The following TGM5 variants were observed in gnomAD, a reference collection of about 807,000 sequenced individuals.
TGM5 encodes protein-glutamine gamma-glutamyltransferase 5.
A neutral mutation model predicts 77.2 loss-of-function variants in TGM5; 69 were observed. The ratio of observed to expected loss-of-function variants is 0.89; its 90% CI spans 0.74 to 1.09. The LOEUF (loss-of-function observed/expected upper bound fraction) is 1.09, where lower values mean the gene tolerates loss of function less well. Among genes scored for constraint, TGM5 ranks in the 50% least tolerant of loss-of-function variants. The pLI, the probability that TGM5 is intolerant of heterozygous loss-of-function variation, is 0.00. For synonymous variants in TGM5, 346 were observed against 351.8 expected (o/e 0.98, Z 0.18); for missense variants, 842 against 896.5 (o/e 0.94, Z 0.78).
intron 1 of TGM5, among the ~76,000 whole-genome samples, chr15:43,265,094 G>A (rs935617690): frequency 3.3e-5 from 5 of 152,182 alleles, no homozygotes; most frequent in Admixed American, 6.5e-5. Context: ...TGCCAGGTAC[G>A]CTAGGACAGT....
intron 3 of TGM5, among the ~76,000 whole-genome samples, chr15:43,257,595 T>C (rs1229339733): frequency 6.6e-6 from 1 of 152,026 alleles, no homozygotes; most frequent in Non-Finnish European, 1.5e-5. Flanking sequence ...GTGGAGACGA[T>C]GTGGAGACAT....
intron 9 of TGM5, 117 bp from the exon 10 acceptor site, chr15:43,235,954 TA>T: frequency 7.3e-7 from 1 of 1,369,914 alleles, no homozygotes; most frequent in Non-Finnish European, 1.0e-6. Flanking sequence ...TCACTCCCAG[TA>T]ACAAGCACTC....
intron 6 of TGM5, among the ~76,000 whole-genome samples, chr15:43,245,692 A>C (rs2142366080): frequency 6.6e-6 from 1 of 152,338 alleles, no homozygotes; most frequent in South Asian, 2.1e-4. Flanking sequence ...TTACTCAAGA[A>C]GTACAAATGA....
intron 1 of TGM5, among the ~76,000 whole-genome samples, chr15:43,263,970 A>C (rs2042808237): frequency 6.6e-6 from 1 of 152,240 alleles, no homozygotes; most frequent in Non-Finnish European, 1.5e-5. Flanking sequence ...ACTCTACAAT[A>C]AAAGAGACAA....
rs563897734 is a variant in TGM5 at position 43,233,119 on chromosome 15, C to G, written c.*72G>C. 2 of 1,583,704 alleles carry G rather than the reference C, an allele frequency of 1.3e-6. No homozygotes were observed. Among genetic ancestry groups the G allele is most frequent in the African/African-American group, 1.3e-5 (1 of 74,334 alleles). ...AAGCCTCTGTTGTGGTGGGGAATGG[C>G]GCAGCTTGCATTTGAACTTGCTCCT... On this transcript the variant is annotated 3_prime_UTR_variant, in exon 13 of 13. Transcript: ENST00000220420.
At chr15:43,259,463 A>AG (rs2042769049) in intron 3 of TGM5, among the ~76,000 whole-genome samples, 1 of 152,224 alleles carries the variant, frequency 6.6e-6, no homozygotes, top group South Asian at 2.1e-4. Context: ...AAAAAAAAAA[A>AG]AAAGCTGGAG....
chr15:43,252,740 G>A lies in TGM5; in HGVS notation c.862+19C>T, dbSNP rs1285643931. 3.1e-6 allele frequency: 5 copies of A among 1,612,678 alleles called. No individual in the cohort carries two copies. The highest frequency in any genetic ancestry group is 4.2e-6 in the Non-Finnish European group (5 of 1,179,974). ...GGCTATACTTCTGACCTTTTTGTGG[G>A]GTCCTTTCTACCTCCTACCTGTGCA... is the stretch of plus-strand genomic sequence containing the variant. On this transcript the variant is annotated intron_variant, in intron 6 of 12. Transcript: ENST00000220420.
At position 43,235,573 on chromosome 15, in the gene TGM5, T is replaced by C. The variant is rs1299968318; in HGVS notation, c.1610A>G (p.Lys537Arg). Reference protein sequence around the residue: ...LLALNMSSQFKDLKVNLSAQS... With the variant: ...LLALNMSSQFRDLKVNLSAQS... ...GGCACTCAGGTTCACTTTGAGGTCC[T>C]TGAACTGGGAGGACATGTTGAGGGC... The change falls in exon 10 of 13, where the codon AAG (lysine) becomes AGG (arginine). Residue 537 changes from lysine to arginine, a missense_variant. This residue lies in a region of TGM5 where 815 missense variants were observed against 844.6 expected (regional missense o/e 0.96). Transcript: ENST00000220420. 14 of 1,614,208 alleles carry C rather than the reference T, an allele frequency of 8.7e-6. No homozygotes were observed. The highest frequency in any genetic ancestry group is 2.2e-5 in the South Asian group (2 of 91,082).
At chr15:43,263,631 G>T (rs2042805292) in intron 1 of TGM5, among the ~76,000 whole-genome samples, 1 of 151,940 alleles carries the variant, frequency 6.6e-6, no homozygotes, top group Non-Finnish European at 1.5e-5. Flanking sequence ...GAAGTTAGAT[G>T]CATAACTCAC....
In TGM5 at chr15:43,234,850, G is replaced by A; in HGVS notation, c.1794C>T (p.Ala598=). 6.2e-7 allele frequency: 1 copy of A among 1,614,208 alleles called. No individual in the cohort carries two copies. The part of the protein sequence containing the change: ...LSTDKLIRIS[A]LGEEKSSPEK... The stretch of plus-strand genomic sequence containing the variant: ...CAGGACTGCTTTTCTCTTCACCCAG[G>A]GCACTGATGCGGATCAGCTTGTCTG... The change falls in exon 11 of 13, where the codon GCC becomes GCT. Residue 598 remains alanine (A), a synonymous_variant. Coordinates refer to ENST00000220420, the MANE Select transcript of TGM5 (RefSeq NM_201631.4).
rs2042632677 is a variant in TGM5 at position 43,241,057 on chromosome 15, T to C, written c.863-67A>G. The C allele has an allele frequency of 1.1e-5, 18 of 1,604,758 alleles. 1 individual carries two copies. The South Asian group carries it at 1.7e-4, about 15-fold the overall frequency. ...TCCGGACCCGTATATTCCTGGACTT[T>C]GGGGCCTGGACCTGGGGAAATCTTC... On this transcript the variant is annotated intron_variant, in intron 6 of 12. Transcript: ENST00000220420.
intron 4 of TGM5, among the ~76,000 whole-genome samples, chr15:43,254,623 C>T (rs114542088): frequency 0.023 from 3,562 of 152,240 alleles, 157 homozygotes; most frequent in African/African-American, 0.082. Context: ...ACCTCTCCAG[C>T]CTCAAGTATC....
chr15:43,242,426 T>C (rs2042643090), intron 6 of TGM5, among the ~76,000 whole-genome samples: 2 of 152,250 alleles, frequency 1.3e-5, no homozygotes, highest in African/African-American at 4.8e-5. Flanking sequence ...GTAAATACTG[T>C]GATAAATACC....
rs1203068214 is a variant in TGM5 at position 43,234,843 on chromosome 15, C to T, written c.1801G>A (p.Glu601Lys). The T allele has an allele frequency of 3.1e-6, 5 of 1,614,112 alleles. No individual in the cohort carries two copies. The highest frequency in any genetic ancestry group is 4.2e-6 in the Non-Finnish European group (5 of 1,180,040). Reference sequence around the variant, plus strand: ...ATTTTCTCAGGACTGCTTTTCTCTTCACCCAGGGCACTGATGCGGATCAGC... The same window carrying T: ...ATTTTCTCAGGACTGCTTTTCTCTTTACCCAGGGCACTGATGCGGATCAGC... ...DKLIRISALG[E>K]EKSSPEKILV... The change falls in exon 11 of 13, where the codon GAA becomes AAA. Residue 601 changes from glutamate to lysine, a missense_variant. Coordinates refer to ENST00000220420, the MANE Select transcript of TGM5 (RefSeq NM_201631.4).
intron 6 of TGM5, among the ~76,000 whole-genome samples, chr15:43,245,905 G>A (rs114141767): frequency 6.7e-6 from 1 of 148,322 alleles, no homozygotes; most frequent in Non-Finnish European, 1.5e-5. Flanking sequence ...GTGTTGGGGG[G>A]GGGGGTCTTA....
intron 9 of TGM5, among the ~76,000 whole-genome samples, chr15:43,236,936 T>C (rs113931075): frequency 4.8e-4 from 62 of 128,018 alleles, no homozygotes; most frequent in African/African-American, 1.9e-3. Flanking sequence ...GCTGTTGCCC[T>C]CCAGCCTAGG....
intron 6 of TGM5, among the ~76,000 whole-genome samples, chr15:43,250,842 G>A (rs1190593086): frequency 6.6e-6 from 1 of 152,158 alleles, no homozygotes; most frequent in Non-Finnish European, 1.5e-5. Context: ...ACAGGGGACT[G>A]GGCCACGTTT....
chr15:43,240,855 A>T lies in TGM5; in HGVS notation c.998T>A (p.Ile333Asn), dbSNP rs904106829. Reference protein sequence around the residue: ...RILGNKKKDTIWNFHVWNECW... With the variant: ...RILGNKKKDTNWNFHVWNECW... Reference sequence around the variant, plus strand: ...AGGTTGAGAGGTTGTTTCTCACCAGATAGTATCCTTCTTCTTATTCCCCAA... The same window carrying T: ...AGGTTGAGAGGTTGTTTCTCACCAGTTAGTATCCTTCTTCTTATTCCCCAA... The change falls in exon 7 of 13, where the codon ATC (isoleucine) becomes AAC (asparagine). Residue 333 changes from isoleucine (I) to asparagine (N), a missense_variant. Physicochemically the swap from Ile to Asn is moderately radical, Grantham distance 149 (BLOSUM62 -3). Around this residue, in one of 2 missense-constraint regions of TGM5, gnomAD observed 815 missense variants for 844.6 expected, o/e 0.96. Coordinates refer to ENST00000220420, the MANE Select transcript of TGM5 (RefSeq NM_201631.4). 3 of 1,614,010 alleles carry T rather than the reference A, an allele frequency of 1.9e-6. No individual in the cohort carries two copies. Among genetic ancestry groups the T allele is most frequent in the Admixed American group, 3.3e-5 (2 of 60,006 alleles).
At position 43,233,603 on chromosome 15, in the gene TGM5, C is replaced by T. The variant is rs1269834909; in HGVS notation, c.1960G>A (p.Val654Met). The change falls in exon 12 of 13, where the codon GTG (valine) becomes ATG (methionine). Residue 654 changes from valine to methionine, a missense_variant. By Grantham distance (21) the Val-to-Met change is conservative. This residue lies in a region of TGM5 where 815 missense variants were observed against 844.6 expected (regional missense o/e 0.96). Transcript: ENST00000220420. ...AGGCCACTTCCTTCCACAGTCAGCA[C>T]ACAGTCCTCAACCTGCTCCGAGAGG... ...NPLSEQVEDC[V>M]LTVEGSGLFK... 1.2e-6 allele frequency: 2 copies of T among 1,614,234 alleles called. No homozygotes were observed. Among genetic ancestry groups the T allele is most frequent in the Non-Finnish European group, 1.7e-6 (2 of 1,180,042 alleles).
Sources: gnomAD v4.1 joint callset for allele counts (sites outside exome capture counted in the v4.1 genomes callset) on GRCh38, gnomAD v4.1.1 for gene constraint, gnomAD v4.1.1 regional missense constraint, MANE v1.5 for transcripts, NCBI Gene and HGNC (gene_info 2026-07-23, HGNC 2026-07-21) for gene names.